GASK1A: variants seen among roughly 807,000 people sequenced by gnomAD.
The protein encoded by GASK1A is Golgi-associated kinase 1A.
GASK1A carries 40 observed loss-of-function variants against 41.2 expected under a neutral mutation model. The observed-to-expected ratio is 0.97, with a 90% CI of 0.75 to 1.27. The LOEUF (loss-of-function observed/expected upper bound fraction) is 1.27. Among genes scored for constraint, GASK1A ranks in the 50% most tolerant of loss-of-function variants. GASK1A has a pLI of 0.00. For missense variants in GASK1A, 678 were observed against 745.1 expected (o/e 0.91, Z 1.05); for synonymous variants, 316 against 307.1 (o/e 1.03, Z -0.30).
intron 2 of GASK1A, among the ~76,000 whole-genome samples, chr3:43,042,352 A>T (rs371151756): frequency 1.3e-5 from 2 of 151,396 alleles, no homozygotes; most frequent in Non-Finnish European, 2.9e-5. Flanking sequence ...GCAAAGTGGC[A>T]TGCACCTGTA....
chr3:42,997,015 A>G (rs184429981), intron 1 of GASK1A, among the ~76,000 whole-genome samples: 2 of 152,346 alleles, frequency 1.3e-5, no homozygotes, highest in Admixed American at 1.3e-4. Context: ...AGAACTGCAC[A>G]TCCCACACTC....
intron 1 of GASK1A, among the ~76,000 whole-genome samples, chr3:42,989,074 C>T (rs921840363): frequency 6.6e-6 from 1 of 152,160 alleles, no homozygotes; most frequent in African/African-American, 2.4e-5. Context: ...ATAACATTAG[C>T]GGGCCGTAAT....
At chr3:43,056,005 G>A in intron 4 of GASK1A, 171 bp from the exon 5 acceptor site, 1 of 605,682 alleles carries the variant, frequency 1.7e-6, no homozygotes, top group Non-Finnish European at 2.9e-6. Context: ...CAGGCAAAGG[G>A]TCCTCTGTTA....
At chr3:43,000,596 C>A (rs1052187556) in intron 1 of GASK1A, among the ~76,000 whole-genome samples, 17 of 152,192 alleles carry the variant, frequency 1.1e-4, no homozygotes, top group Admixed American at 1.1e-3. Context: ...TTCCCTTGGC[C>A]GACATTGCAT....
At chr3:43,053,745 G>T in intron 3 of GASK1A, 102 bp downstream of exon 3, 1 of 1,333,570 alleles carries the variant, frequency 7.5e-7, no homozygotes, top group East Asian at 2.5e-5. Flanking sequence ...TTGATGCTGG[G>T]GTTTCCCAGT....
At chr3:42,997,795 CAA>C (rs2089384556) in intron 1 of GASK1A, among the ~76,000 whole-genome samples, 1 of 152,168 alleles carries the variant, frequency 6.6e-6, no homozygotes, top group African/African-American at 2.4e-5. Context: ...GATTCCAGTG[CAA>C]ACAGTTTATC....
chr3:43,041,252 G>T (rs1047313255), intron 2 of GASK1A, among the ~76,000 whole-genome samples: 1 of 151,876 alleles, frequency 6.6e-6, no homozygotes, highest in African/African-American at 2.4e-5. Context: ...TAATGGGATG[G>T]CTGGGTCAAA....
intron 1 of GASK1A, among the ~76,000 whole-genome samples, chr3:43,015,941 CA>C (rs2089488933): frequency 7.0e-6 from 1 of 142,302 alleles, no homozygotes; most frequent in East Asian, 2.0e-4. Flanking sequence ...AGTGTAAAGC[CA>C]CAGGAAGGGT....
chr3:43,057,134 T>G lies in GASK1A; in HGVS notation c.*748T>G, dbSNP rs927217798. Reference sequence around the variant, plus strand: ...TATTAACTATATTCTGTATCAGCCATCTGAATTGACCCAATCTTTATTGGT... The same window carrying G: ...TATTAACTATATTCTGTATCAGCCAGCTGAATTGACCCAATCTTTATTGGT... On this transcript the variant is annotated 3_prime_UTR_variant, in exon 5 of 5. Coordinates refer to ENST00000430121, the MANE Select transcript of GASK1A (RefSeq NM_001129908.3). 6.6e-6 allele frequency: 1 copy of G among 152,244 alleles called. No homozygotes were observed. The highest frequency in any genetic ancestry group is 1.5e-5 in the Non-Finnish European group (1 of 68,036). The allele number at this position is 152,244 out of a possible 1,614,324, so 9.4% of individuals were successfully genotyped here.
chr3:43,044,100 A>C (rs1379859249), intron 2 of GASK1A, among the ~76,000 whole-genome samples: 1 of 152,244 alleles, frequency 6.6e-6, no homozygotes, highest in African/African-American at 2.4e-5. Context: ...AAATCTGCAC[A>C]GAATGGCCTT....
At chr3:43,050,569 G>T (rs2089684295) in intron 2 of GASK1A, among the ~76,000 whole-genome samples, 1 of 140,894 alleles carries the variant, frequency 7.1e-6, no homozygotes, top group Non-Finnish European at 1.6e-5. Context: ...CACCAAATTT[G>T]GGGAGGTTTT....
chr3:43,052,022 T>A (rs193138925), intron 2 of GASK1A, among the ~76,000 whole-genome samples: 3 of 152,168 alleles, frequency 2.0e-5, no homozygotes, highest in Admixed American at 2.0e-4. Flanking sequence ...GAGAGTTAGA[T>A]ACCTACCAGT....
chr3:43,007,979 TTTGC>T lies in GASK1A; in HGVS notation c.4-24268_4-24265del, dbSNP rs570993059. On this transcript the variant is annotated intron_variant, in intron 1 of 4. Coordinates refer to ENST00000430121, the MANE Select transcript of GASK1A (RefSeq NM_001129908.3). The stretch of plus-strand genomic sequence containing the variant: ...AGAGGATGGCTTCCAGCTCTCCGGG[TTTGC>T]TTGCTTGCTTGCTTGCTTGGAGAAG... Among the ~76,000 whole-genome samples, 15 of 152,210 alleles carry T rather than the reference TTTGC, an allele frequency of 9.9e-5. No homozygotes were observed. The East Asian group carries it at 2.9e-3, about 29-fold the overall frequency.
At chr3:43,024,515 T>C (rs550020822) in intron 1 of GASK1A, among the ~76,000 whole-genome samples, 57 of 152,326 alleles carry the variant, frequency 3.7e-4, no homozygotes, top group African/African-American at 1.3e-3. Flanking sequence ...CAGTGTTTGC[T>C]TGAAACAAAC....
chr3:43,009,014 A>T (rs1297238513), intron 1 of GASK1A, among the ~76,000 whole-genome samples: 1 of 152,240 alleles, frequency 6.6e-6, no homozygotes, highest in Non-Finnish European at 1.5e-5. Context: ...CTAAGTAATA[A>T]CTATAAAAAT....
rs770657809 is a variant in GASK1A at position 42,984,885 on chromosome 3, G to A, written c.3+5240G>A. On this transcript the variant is annotated intron_variant, in intron 1 of 4. Coordinates refer to ENST00000430121, the MANE Select transcript of GASK1A (RefSeq NM_001129908.3). This position sits in a 1 kb window ranked among gnomAD's most constrained non-coding sequence, Gnocchi z 4.2. ...AGTTGAGCTAGCACCATCACAGGCA[G>A]AGCTAGGTTGTAAGGTCATCGTTGT... is the stretch of plus-strand genomic sequence containing the variant. Among the ~76,000 whole-genome samples, 4 of 152,182 alleles carry A rather than the reference G, an allele frequency of 2.6e-5. No homozygotes were observed. Among genetic ancestry groups the A allele is most frequent in the Non-Finnish European group, 5.9e-5 (4 of 68,038 alleles).
At chr3:43,042,663 T>C (rs2089643582) in intron 2 of GASK1A, among the ~76,000 whole-genome samples, 1 of 152,226 alleles carries the variant, frequency 6.6e-6, no homozygotes, top group Non-Finnish European at 1.5e-5. Flanking sequence ...GAACCTACTT[T>C]GCTGTGGTGG....
chr3:42,987,095 A>G (rs1335311438), intron 1 of GASK1A, among the ~76,000 whole-genome samples: 2 of 152,246 alleles, frequency 1.3e-5, no homozygotes, highest in Non-Finnish European at 2.9e-5. Context: ...AGGATTCTTA[A>G]CAAAGCAATT....
At position 43,023,804 on chromosome 3, in the gene GASK1A, A is replaced by G. The variant is rs528902445; in HGVS notation, c.4-8463A>G. Among the ~76,000 whole-genome samples the G allele has an allele frequency of 2.4e-4, 36 of 152,296 alleles. No homozygotes were observed. The East Asian group carries it at 2.9e-3, about 12-fold the overall frequency. On this transcript the variant is annotated intron_variant, in intron 1 of 4. Coordinates refer to ENST00000430121, the MANE Select transcript of GASK1A (RefSeq NM_001129908.3). ...GACCTACTGAGCACTGTTAGTTGCA[A>G]TGATATTGAATGCCTCTCAAGAGGG...
Sources: gnomAD v4.1 joint callset for allele counts (sites outside exome capture counted in the v4.1 genomes callset) on GRCh38, gnomAD v4.1.1 for gene constraint, Gnocchi (gnomAD v3.1) non-coding constraint, MANE v1.5 for transcripts, NCBI Gene and HGNC (gene_info 2026-07-23, HGNC 2026-07-21) for gene names.